PAK1IP1: variants seen among roughly 807,000 people sequenced by gnomAD.
PAK1IP1 encodes p21-activated protein kinase-interacting protein 1.
A neutral mutation model predicts 42.0 loss-of-function variants in PAK1IP1; 24 were observed. The ratio of observed to expected loss-of-function variants is 0.57; its 90% CI spans 0.41 to 0.80. PAK1IP1 has a LOEUF of 0.80. PAK1IP1 is among the 30% of genes least tolerant of loss of function. PAK1IP1 has a pLI of 0.00. For synonymous variants in PAK1IP1, 154 were observed against 156.7 expected, an observed-to-expected ratio of 0.98 and a Z score of 0.13; for missense variants, 411 against 467.9, an observed-to-expected ratio of 0.88 and a Z score of 1.12.
upstream of PAK1IP1, chr6:10,694,965 A>T (rs112419636): frequency 1.3e-6 from 2 of 1,520,388 alleles, no homozygotes; most frequent in South Asian, 2.3e-5. Flanking sequence ...GGGCTGGCGG[A>T]AGAGGCACGT....
chr6:10,702,427 T>C lies in PAK1IP1; in HGVS notation c.306T>C (p.Asp102=), dbSNP rs1770056563. The C allele has an allele frequency of 6.2e-7, 1 of 1,613,790 alleles. No homozygotes were observed. Among genetic ancestry groups the C allele is most frequent in the Non-Finnish European group, 8.5e-7 (1 of 1,179,682 alleles). ...GNRHLISGAE[D]GLICIWDAKK... is the part of the protein sequence containing the mutation. ...GGCATTTAATCAGTGGAGCGGAAGA[T>C]GGACTCATCTGTATCTGGGATGCAA... is the stretch of plus-strand genomic sequence containing the variant. The change falls in exon 3 of 10, where the codon GAT becomes GAC. Residue 102 remains aspartate (D), a synonymous_variant. Coordinates refer to ENST00000379568, the MANE Select transcript of PAK1IP1 (RefSeq NM_017906.3).
rs1462708228 is a variant in PAK1IP1 at position 10,704,747 on chromosome 6, G to A, written c.643G>A (p.Glu215Lys). 2 of 1,610,324 alleles carry A rather than the reference G, an allele frequency of 1.2e-6. No homozygotes were observed. The highest frequency in any genetic ancestry group is 2.2e-5 in the South Asian group (2 of 90,992). Reference protein sequence around the residue: ...KRISSVKFLSESVLAVAGDEE... With the variant: ...KRISSVKFLSKSVLAVAGDEE... ...TATTACTCTTTTTCCTCTCTCCTAGGAGTCTGTCCTTGCAGTGGCTGGAGA... is the reference window on the plus strand; with the variant it reads ...TATTACTCTTTTTCCTCTCTCCTAGAAGTCTGTCCTTGCAGTGGCTGGAGA... Residue 215 changes from glutamate (E) to lysine (K), a missense_variant and splice_region_variant, in exon 7 of 10, where the codon GAG (glutamate) becomes AAG (lysine). Glu to Lys is a moderately conservative substitution (Grantham distance 56, BLOSUM62 1). Transcript: ENST00000379568.
Position 10,695,060 on chromosome 6 carries a change from C to G in PAK1IP1, c.75C>G (p.Gly25=). 5 of 1,596,118 alleles carry G rather than the reference C, an allele frequency of 3.1e-6. No individual in the cohort carries two copies. The highest frequency in any genetic ancestry group is 4.3e-6 in the Non-Finnish European group (5 of 1,175,232). ...TACACCCGGAGCCCGAGGCTTGCGGCGACCACGAGGTGAGATACCGCGTAG... is the reference window on the plus strand; with the variant it reads ...TACACCCGGAGCCCGAGGCTTGCGGGGACCACGAGGTGAGATACCGCGTAG... The part of the protein sequence containing the change: ...FAVHPEPEAC[G]DHEQWTLVAD... Residue 25 remains glycine, a synonymous_variant, in exon 1 of 10, where the codon GGC becomes GGG. Transcript: ENST00000379568.
In PAK1IP1 at chr6:10,697,498, G is replaced by A. The variant is rs773008929; in HGVS notation, c.247+12G>A. 3.8e-6 allele frequency: 6 copies of A among 1,594,370 alleles called. No individual in the cohort carries two copies. The highest frequency in any genetic ancestry group is 2.2e-5 in the South Asian group (2 of 90,190). The stretch of plus-strand genomic sequence containing the variant: ...AGTGCATCACAGTGGTAAGAAAATT[G>A]TATCCCTTAAGATGAGAACATAGAG... On this transcript the variant is annotated intron_variant, in intron 2 of 9. Transcript: ENST00000379568.
chr6:10,709,539 G>A lies in PAK1IP1; in HGVS notation c.*87G>A. On this transcript the variant is annotated 3_prime_UTR_variant, in exon 10 of 10. Transcript: ENST00000379568. ...ATTTTTTTTTTTTCCCTGAGTAAAA[G>A]CAAGAAATTTCTTCCTTTGGAAAAA... 6 of 754,494 alleles carry A rather than the reference G, an allele frequency of 8.0e-6. No individual in the cohort carries two copies. The highest frequency in any genetic ancestry group is 3.8e-5 in the South Asian group (1 of 26,224). 46.7% of individuals were successfully genotyped at this position (754,494 alleles called of 1,614,324 possible).
At chr6:10,691,367 C>T (rs564342789), upstream of PAK1IP1, among the ~76,000 whole-genome samples, 68 of 152,064 alleles carry the variant, frequency 4.5e-4, no homozygotes, top group Non-Finnish European at 8.1e-4. Context: ...TAAGGAGGTC[C>T]GTGTGAGAGG....
At chr6:10,699,348 C>T (rs1295644340) in intron 2 of PAK1IP1, among the ~76,000 whole-genome samples, 1 of 152,032 alleles carries the variant, frequency 6.6e-6, no homozygotes, top group Non-Finnish European at 1.5e-5. Context: ...CAGCAAATAG[C>T]TTCCTAGAGG....
chr6:10,709,728 T>G lies in PAK1IP1; in HGVS notation c.*276T>G, dbSNP rs918631266. ...TTACTTTGTACAAAGCAAATAAAGA[T>G]CTTTCTCAAAATATACTGTAAAATA... On this transcript the variant is annotated 3_prime_UTR_variant, in exon 10 of 10. Coordinates refer to ENST00000379568, the MANE Select transcript of PAK1IP1 (RefSeq NM_017906.3). 1.0e-5 allele frequency: 2 copies of G among 198,526 alleles called. No homozygotes were observed. The highest frequency in any genetic ancestry group is 6.0e-5 in the Admixed American group (1 of 16,776). 12.3% of individuals were successfully genotyped at this position (198,526 alleles called of 1,614,324 possible). A position where few individuals can be genotyped will look rare whatever the true frequency, so the allele number is the denominator to read the frequency against.
chr6:10,692,741 GAC>G (rs1245894587), upstream of PAK1IP1, among the ~76,000 whole-genome samples: 1 of 152,098 alleles, frequency 6.6e-6, no homozygotes, highest in African/African-American at 2.4e-5. Context: ...TATTTTTTGA[GAC>G]AGAGTCCTGA....
chr6:10,706,356 A>G (rs187714979), intron 7 of PAK1IP1, among the ~76,000 whole-genome samples: 18 of 152,096 alleles, frequency 1.2e-4, no homozygotes, highest in African/African-American at 4.3e-4. Context: ...GTGGAAGCCA[A>G]TCGGTGCCTG....
At chr6:10,696,549 G>C (rs1769862185) in intron 1 of PAK1IP1, among the ~76,000 whole-genome samples, 1 of 152,216 alleles carries the variant, frequency 6.6e-6, no homozygotes, top group Non-Finnish European at 1.5e-5. Context: ...ATTGTCACAT[G>C]GCAATAAGCA....
chr6:10,709,332 T>G lies in PAK1IP1; in HGVS notation c.1059T>G (p.Gly353=). 1 of 1,613,864 alleles carries G rather than the reference T, an allele frequency of 6.2e-7. No individual in the cohort carries two copies. Among genetic ancestry groups the G allele is most frequent in the Non-Finnish European group, 8.5e-7 (1 of 1,179,954 alleles). The part of the protein sequence containing the change: ...KRSKPNTKKR[G]LTGDSKKATK... The stretch of plus-strand genomic sequence containing the variant: ...CAAAACCTAACACAAAGAAACGCGG[T>G]TTAACAGGTGACAGTAAGAAAGCAA... The change falls in exon 10 of 10, where the codon GGT becomes GGG. Residue 353 remains glycine (G), a synonymous_variant. Coordinates refer to ENST00000379568, the MANE Select transcript of PAK1IP1 (RefSeq NM_017906.3).
Position 10,697,463 on chromosome 6 carries a change from A to G in PAK1IP1, c.224A>G (p.His75Arg). Residue 75 changes from histidine to arginine, a missense_variant, in exon 2 of 10, where the codon CAT (histidine) becomes CGT (arginine). By Grantham distance (29) the His-to-Arg change is conservative. Coordinates refer to ENST00000379568, the MANE Select transcript of PAK1IP1 (RefSeq NM_017906.3). ...HIYDMKKKIEHGALVHHSGTI... is the reference protein window; with the variant it reads ...HIYDMKKKIERGALVHHSGTI... ...TATGACATGAAAAAGAAGATTGAGC[A>G]TGGGGCTCTAGTGCATCACAGTGGT... 1.2e-6 allele frequency: 2 copies of G among 1,613,934 alleles called. No homozygotes were observed. Among genetic ancestry groups the G allele is most frequent in the South Asian group, 1.1e-5 (1 of 91,074 alleles).
At chr6:10,699,694 T>C (rs1769967516) in intron 2 of PAK1IP1, among the ~76,000 whole-genome samples, 1 of 152,180 alleles carries the variant, frequency 6.6e-6, no homozygotes, top group African/African-American at 2.4e-5. Flanking sequence ...AATGGTGCCC[T>C]TTTTCCTACC....
rs765946190 is a variant in PAK1IP1, at chr6:10,704,527, T to A, written c.517T>A (p.Ser173Thr). 6.3e-7 allele frequency: 1 copy of A among 1,594,306 alleles called. No homozygotes were observed. Among genetic ancestry groups the A allele is most frequent in the East Asian group, 2.2e-5 (1 of 44,732 alleles). ...IKQNAHIVEWSPRGEQYVVII... is the reference protein window; with the variant it reads ...IKQNAHIVEWTPRGEQYVVII... ...TACAGATGCTCACATAGTAGAATGG[T>A]CCCCAAGAGGAGAGCAGTATGTAGT... is the stretch of plus-strand genomic sequence containing the variant. Residue 173 changes from serine to threonine, a missense_variant, in exon 6 of 10, where the codon TCC (serine) becomes ACC (threonine). Physicochemically the swap from Ser to Thr is moderately conservative, Grantham distance 58 (BLOSUM62 1). Transcript: ENST00000379568.
At chr6:10,699,722 C>T (rs1355863423) in intron 2 of PAK1IP1, among the ~76,000 whole-genome samples, 2 of 152,034 alleles carry the variant, frequency 1.3e-5, no homozygotes, top group African/African-American at 4.8e-5. Context: ...ACATGTATTT[C>T]AGAGGATCCA....
chr6:10,703,406 A>C lies in PAK1IP1; in HGVS notation c.445A>C (p.Thr149Pro). Residue 149 changes from threonine to proline, a missense_variant and splice_region_variant, in exon 5 of 10, where the codon ACG (threonine) becomes CCG (proline). Transcript: ENST00000379568. ...LSVGTDKTLR[T>P]WNLVEGRSAF... is the part of the protein sequence containing the mutation. ...GTAAGTGAGCTTCCTGTTTTGCAGA[A>C]CGTGGAATCTTGTAGAAGGAAGATC... 6.2e-7 allele frequency: 1 copy of C among 1,610,780 alleles called. No individual in the cohort carries two copies. The highest frequency in any genetic ancestry group is 8.5e-7 in the Non-Finnish European group (1 of 1,177,692).
chr6:10,691,887 C>A (rs571063990), upstream of PAK1IP1, among the ~76,000 whole-genome samples: 2 of 152,128 alleles, frequency 1.3e-5, no homozygotes, highest in East Asian at 3.9e-4. Flanking sequence ...ATGGTGCTTA[C>A]ACCATGGTTT....
intron 2 of PAK1IP1, among the ~76,000 whole-genome samples, chr6:10,699,887 G>C (rs567301516): frequency 1.8e-4 from 28 of 152,206 alleles, no homozygotes; most frequent in African/African-American, 6.3e-4. Context: ...GTAGAGGCTG[G>C]GAAGTCTAAG....
Sources: gnomAD v4.1 joint callset for allele counts (sites outside exome capture counted in the v4.1 genomes callset) on GRCh38, gnomAD v4.1.1 for gene constraint, MANE v1.5 for transcripts, NCBI Gene and HGNC (gene_info 2026-07-23, HGNC 2026-07-21) for gene names.